Variants in ECT2 observed in about 807,000 individuals in gnomAD.
ECT2 encodes epithelial cell transforming 2, also known as protein ECT2.
ECT2 carries 61 observed loss-of-function variants against 116.9 expected under a neutral mutation model. That is an observed-to-expected ratio of 0.52 (90% CI 0.42 to 0.65). The LOEUF (loss-of-function observed/expected upper bound fraction) is 0.65, where lower values mean the gene tolerates loss of function less well. Ranked by LOEUF, ECT2 falls within the 30% of genes least tolerant of loss-of-function variation. The pLI is 0.00. For missense variants in ECT2, 937 were observed against 1,078.7 expected, an observed-to-expected ratio of 0.87 and a Z score of 1.84; for synonymous variants, 358 against 346.4, an observed-to-expected ratio of 1.03 and a Z score of -0.37.
At chr3:172,785,538 A>G (rs1723461393) in intron 17 of ECT2, among the ~76,000 whole-genome samples, 1 of 151,950 alleles carries the variant, frequency 6.6e-6, no homozygotes. Context: ...AAAGAAGGAT[A>G]ACTAAATTAT....
At chr3:172,827,288 A>G in the ECT2 span, among the ~76,000 whole-genome samples, 1 of 152,210 alleles carries the variant, frequency 6.6e-6, no homozygotes, top group Non-Finnish European at 1.5e-5. Context: ...GTATATATTT[A>G]AAAGAAAGGA....
At chr3:172,779,895 C>CAAA (rs60162451) in intron 14 of ECT2, among the ~76,000 whole-genome samples, 11 of 107,072 alleles carry the variant, frequency 1.0e-4, no homozygotes, top group African/African-American at 3.2e-4. Context: ...GACCCTGTCT[C>CAAA]AAAAAAAAAA....
intron 5 of ECT2, among the ~76,000 whole-genome samples, chr3:172,758,488 C>CACACACAG (rs1553849020): frequency 6.6e-6 from 1 of 151,074 alleles, no homozygotes; most frequent in African/African-American, 2.4e-5. Context: ...CACACACAGA[C>CACACACAG]ACACACACAC....
chr3:172,819,935 A>G (rs928234798), intron 24 of ECT2, among the ~76,000 whole-genome samples: 7 of 152,050 alleles, frequency 4.6e-5, no homozygotes, highest in Admixed American at 3.9e-4. Context: ...TAGTCTAGCT[A>G]TTTGGCTTTG....
intron 8 of ECT2, 54 bp downstream of exon 8, chr3:172,761,737 A>G: frequency 7.7e-7 from 1 of 1,297,576 alleles, no homozygotes; most frequent in Non-Finnish European, 1.1e-6. Flanking sequence ...TTCTGGTTTA[A>G]AGATAAATCC....
At chr3:172,761,086 A>G (rs1718198448) in intron 7 of ECT2, among the ~76,000 whole-genome samples, 1 of 152,198 alleles carries the variant, frequency 6.6e-6, no homozygotes, top group South Asian at 2.1e-4. Context: ...TTAACTTGTG[A>G]ATATTATAAT....
chr3:172,811,983 C>CTTTT (rs200790013), intron 22 of ECT2, among the ~76,000 whole-genome samples: 2 of 134,606 alleles, frequency 1.5e-5, no homozygotes, highest in African/African-American at 5.5e-5. Context: ...AAATGTATTT[C>CTTTT]TTTTTTTTTT....
rs1245513935 is a variant in ECT2, at chr3:172,821,267, T to C, written c.*1030T>C. The C allele has an allele frequency of 1.3e-5, 2 of 151,936 alleles. No individual in the cohort carries two copies. Among genetic ancestry groups the C allele is most frequent in the Non-Finnish European group, 3.0e-5 (2 of 67,794 alleles). 9.4% of individuals were successfully genotyped at this position (151,936 alleles called of 1,614,324 possible). ...GAATAATCAAGTTCATATGGATAAATGCATTTTTATTTCCTATTTCTTTAG... is the reference window on the plus strand; with the variant it reads ...GAATAATCAAGTTCATATGGATAAACGCATTTTTATTTCCTATTTCTTTAG... On this transcript the variant is annotated 3_prime_UTR_variant, in exon 25 of 25. Coordinates refer to ENST00000392692, the MANE Select transcript of ECT2 (RefSeq NM_001258315.2).
At chr3:172,765,160 C>T (rs1299191957) in intron 12 of ECT2, among the ~76,000 whole-genome samples, 1 of 152,224 alleles carries the variant, frequency 6.6e-6, no homozygotes, top group Non-Finnish European at 1.5e-5. Flanking sequence ...CCTTTCAACG[C>T]ATTCCAACTG....
intron 22 of ECT2, among the ~76,000 whole-genome samples, chr3:172,814,357 A>ATT: frequency 6.6e-6 from 1 of 152,192 alleles, no homozygotes; most frequent in East Asian, 1.9e-4. Flanking sequence ...TACTAGATAT[A>ATT]TTCTACATTT....
At chr3:172,804,414 G>A (rs1005999634) in intron 20 of ECT2, among the ~76,000 whole-genome samples, 2 of 152,108 alleles carry the variant, frequency 1.3e-5, no homozygotes, top group African/African-American at 4.8e-5. Context: ...GTCTCCTGAA[G>A]TGAGAAAGTC....
chr3:172,802,815 A>T, intron 19 of ECT2, 46 bp from the exon 20 acceptor site: 1 of 1,572,994 alleles, frequency 6.4e-7, no homozygotes, highest in Non-Finnish European at 8.6e-7. Context: ...CTTAAAAATT[A>T]CTTGATACCA....
chr3:172,815,320 C>G (rs1037170661), intron 22 of ECT2, among the ~76,000 whole-genome samples: 3 of 152,268 alleles, frequency 2.0e-5, no homozygotes, highest in Admixed American at 2.0e-4. Context: ...AAGTTTAAGT[C>G]TGCTAAATTT....
chr3:172,780,305 A>G (rs1265811532), intron 14 of ECT2, among the ~76,000 whole-genome samples: 1 of 152,130 alleles, frequency 6.6e-6, no homozygotes, highest in East Asian at 1.9e-4. Flanking sequence ...GTCAAATAAT[A>G]TTCCATTATA....
chr3:172,815,692 TA>T lies in ECT2; in HGVS notation c.2495del (p.Lys832ArgfsTer25). 6.3e-7 allele frequency: 1 copy of T among 1,597,540 alleles called. No individual in the cohort carries two copies. Among genetic ancestry groups the T allele is most frequent in the Non-Finnish European group, 8.5e-7 (1 of 1,172,832 alleles). On this transcript the variant is annotated frameshift_variant, in exon 23 of 25. Coordinates refer to ENST00000392692, the MANE Select transcript of ECT2 (RefSeq NM_001258315.2). LOFTEE classifies it high-confidence loss of function. ...ACATTGAGTAGAGCATCAAGAGCAATAAAAAAGACTTCAAAAAAGGTGAGTT... is the reference window on the plus strand; with the variant it reads ...ACATTGAGTAGAGCATCAAGAGCAATAAAAAGACTTCAAAAAAGGTGAGTT... Reference protein sequence around the residue: ...DSTLSRASRAIKKTSKKVTRA... With the variant: ...DSTLSRASRAXKKTSKKVTRA...
intron 14 of ECT2, among the ~76,000 whole-genome samples, chr3:172,777,313 A>G (rs1410706436): frequency 6.6e-6 from 1 of 152,152 alleles, no homozygotes; most frequent in Non-Finnish European, 1.5e-5. Flanking sequence ...TTTTTTACCC[A>G]TTGTGTTTAC....
chr3:172,767,724 A>ATTTTTTTTTTTT lies in ECT2; in HGVS notation c.1292-1273_1292-1272insTTTTTTTTTTTT, dbSNP rs1202819421. 1.0e-3 allele frequency among the ~76,000 whole-genome samples: 153 copies of ATTTTTTTTTTTT among 148,440 alleles called. 3 individuals carry two copies. The highest frequency in any genetic ancestry group is 3.7e-3 in the African/African-American group (147 of 39,388). ...TATATATCTATAGATATGTGTATAG[A>ATTTTTTTTTTTT]TTTTTTTTTTGAGACGGAGTCTTGC... On this transcript the variant is annotated intron_variant, in intron 12 of 24. Transcript: ENST00000392692.
chr3:172,764,241 A>G (rs1187956432), intron 11 of ECT2, 37 bp from the exon 12 acceptor site: 6 of 1,560,542 alleles, frequency 3.8e-6, no homozygotes, highest in East Asian at 4.5e-5. Context: ...GTAAAGAACC[A>G]TGGAAGTAAA....
intron 18 of ECT2, among the ~76,000 whole-genome samples, chr3:172,796,007 G>A (rs180885392): frequency 1.3e-5 from 2 of 152,144 alleles, no homozygotes. Flanking sequence ...ATAAATTTAA[G>A]AAGAAAAAAT....
Sources: allele counts gnomAD v4.1 joint callset (sites outside exome capture counted in the v4.1 genomes callset), GRCh38; gene constraint gnomAD v4.1.1; transcripts MANE v1.5; gene names NCBI Gene and HGNC (gene_info 2026-07-23, HGNC 2026-07-21).